VWA8: variants seen among roughly 807,000 people sequenced by gnomAD.
VWA8 encodes von Willebrand factor A domain-containing protein 8.
In VWA8, 221 loss-of-function variants were observed where a neutral mutation model predicts 241.5. That is an observed-to-expected ratio of 0.91 (90% confidence interval 0.82 to 1.02). The LOEUF is 1.02. Among genes scored for constraint, VWA8 ranks in the 50% least tolerant of loss-of-function variants. The probability of loss-of-function intolerance (pLI) is 0.00; values close to 1 mark genes in which losing one functional copy is unlikely to be tolerated. For synonymous variants in VWA8, 852 were observed against 827.1 expected (o/e 1.03, Z -0.52); for missense variants, 2,322 against 2,328.7 (o/e 1.00, Z 0.06).
rs1177267603 is a variant in VWA8 at position 41,833,484 on chromosome 13, A to G, written c.1473T>C (p.Asn491=). ...DLLQQRYTLP[N]GDTAWRSSPL... is the part of the protein sequence containing the mutation. ...GTGAGGACCGCCAGGCAGTGTCTCC[A>G]TTTGGAAGGGTGTATCTCTGCTGTA... The change falls in exon 13 of 45, where the codon AAT becomes AAC. Residue 491 remains asparagine, a synonymous_variant. Coordinates refer to ENST00000379310, the MANE Select transcript of VWA8 (RefSeq NM_015058.2). 1 of 1,613,794 alleles carries G rather than the reference A, an allele frequency of 6.2e-7. No homozygotes were observed. Among genetic ancestry groups the G allele is most frequent in the East Asian group, 2.2e-5 (1 of 44,872 alleles).
intron 31 of VWA8, 27 bp from the exon 32 acceptor site, chr13:41,691,472 A>G: frequency 6.2e-7 from 1 of 1,609,526 alleles, no homozygotes; most frequent in South Asian, 1.1e-5. Context: ...CTGTATCTGA[A>G]AGGAAATGGT....
intron 40 of VWA8, among the ~76,000 whole-genome samples, chr13:41,604,214 T>G (rs2044539426): frequency 6.6e-6 from 1 of 152,178 alleles, no homozygotes; most frequent in Non-Finnish European, 1.5e-5. Context: ...ACTTGTCAAA[T>G]GAGTGACTAT....
intron 21 of VWA8, among the ~76,000 whole-genome samples, chr13:41,740,024 T>C (rs2045557575): frequency 6.6e-6 from 1 of 151,878 alleles, no homozygotes; most frequent in East Asian, 1.9e-4. Flanking sequence ...CCGGCTAATT[T>C]TTTGTGTTTT....
chr13:41,926,360 T>C, intron 2 of VWA8: 1 of 568,392 alleles, frequency 1.8e-6, no homozygotes, highest in South Asian at 1.5e-5. Context: ...GTATAAGAAG[T>C]TTCTTGGATG....
chr13:41,827,625 A>C (rs920139539), intron 14 of VWA8, among the ~76,000 whole-genome samples: 2 of 152,208 alleles, frequency 1.3e-5, no homozygotes. Flanking sequence ...TTTAAAAAGT[A>C]AGTGAAGGAA....
chr13:41,629,108 C>T (rs1195879324), intron 37 of VWA8, among the ~76,000 whole-genome samples: 1 of 151,968 alleles, frequency 6.6e-6, no homozygotes, highest in African/African-American at 2.4e-5. Context: ...CCAGGGCCAA[C>T]TGAGGGTGGA....
chr13:41,760,688 T>TA (rs957942413), intron 21 of VWA8, among the ~76,000 whole-genome samples: 26 of 152,082 alleles, frequency 1.7e-4, no homozygotes, highest in African/African-American at 6.0e-4. Context: ...AAAGTAACTT[T>TA]AAGGAAGGCA....
At chr13:41,959,894 C>G (rs1878532505) in intron 1 of VWA8, among the ~76,000 whole-genome samples, 1 of 152,302 alleles carries the variant, frequency 6.6e-6, no homozygotes, top group African/African-American at 2.4e-5. Flanking sequence ...AGGCGTGAGC[C>G]ACCGCGCCCG....
At chr13:41,660,386 G>T (rs997937808) in intron 37 of VWA8, among the ~76,000 whole-genome samples, 1 of 152,142 alleles carries the variant, frequency 6.6e-6, no homozygotes. Context: ...AAAGTGTTGG[G>T]ATTACAGGCA....
At position 41,712,718 on chromosome 13, in the gene VWA8, G is replaced by T. The variant is rs532281938; in HGVS notation, c.3116+6873C>A. Among the ~76,000 whole-genome samples the T allele has an allele frequency of 3.4e-3, 524 of 152,258 alleles. 4 individuals are homozygous for T. The highest frequency in any genetic ancestry group is 6.8e-3 in the Middle Eastern group (2 of 294). ...TGCCCCGTTCTATCACTTATTGGTT[G>T]TAGAATTTATTTAAGGTCTCTTGAA... is the stretch of plus-strand genomic sequence containing the variant. On this transcript the variant is annotated intron_variant, in intron 26 of 44. Transcript: ENST00000379310.
intron 37 of VWA8, among the ~76,000 whole-genome samples, chr13:41,660,277 G>A (rs1482136341): frequency 1.3e-5 from 2 of 152,000 alleles, no homozygotes; most frequent in African/African-American, 4.8e-5. Context: ...CACCATGCCT[G>A]GCTAGTTTTT....
At chr13:41,907,755 T>A in intron 3 of VWA8, 59 bp from the exon 4 acceptor site, 1 of 1,463,932 alleles carries the variant, frequency 6.8e-7, no homozygotes, top group South Asian at 1.2e-5. Flanking sequence ...GCATATGATT[T>A]GGAACTAGTT....
At chr13:41,885,705 T>C (rs1490035350) in intron 8 of VWA8, among the ~76,000 whole-genome samples, 1 of 152,246 alleles carries the variant, frequency 6.6e-6, no homozygotes, top group African/African-American at 2.4e-5. Flanking sequence ...ATTGCATGTC[T>C]AGCTCCTACT....
intron 9 of VWA8, among the ~76,000 whole-genome samples, chr13:41,881,223 T>G (rs1265749089): frequency 6.6e-6 from 1 of 152,002 alleles, no homozygotes; most frequent in Non-Finnish European, 1.5e-5. Context: ...ATTTGTTGAA[T>G]ATTTCCTTAC....
chr13:41,945,103 G>A (rs1364600569), intron 2 of VWA8, among the ~76,000 whole-genome samples: 1 of 152,132 alleles, frequency 6.6e-6, no homozygotes, highest in Non-Finnish European at 1.5e-5. Context: ...ACAACTGTAA[G>A]CTACCTATGG....
At chr13:41,735,676 A>G (rs1373445194) in intron 21 of VWA8, among the ~76,000 whole-genome samples, 1 of 152,146 alleles carries the variant, frequency 6.6e-6, no homozygotes, top group East Asian at 1.9e-4. Flanking sequence ...TAGTAGGTTT[A>G]TGTTTCAGTA....
intron 12 of VWA8, among the ~76,000 whole-genome samples, chr13:41,864,216 G>T (rs1873182934): frequency 6.6e-6 from 1 of 151,902 alleles, no homozygotes; most frequent in African/African-American, 2.4e-5. Context: ...CATTGTTGGT[G>T]GGAATGAAAA....
chr13:41,863,369 TA>T, intron 12 of VWA8, among the ~76,000 whole-genome samples: 1 of 145,108 alleles, frequency 6.9e-6, no homozygotes, highest in Non-Finnish European at 1.5e-5. Flanking sequence ...TTTATATATA[TA>T]TATGTGTGTG....
At chr13:41,759,146 T>C (rs541711417) in intron 21 of VWA8, among the ~76,000 whole-genome samples, 1 of 151,640 alleles carries the variant, frequency 6.6e-6, no homozygotes, top group Non-Finnish European at 1.5e-5. Flanking sequence ...GGTCTGCTGA[T>C]AAAAAAACTC....
Sources: gnomAD v4.1 joint callset for allele counts (sites outside exome capture counted in the v4.1 genomes callset) on GRCh38, gnomAD v4.1.1 for gene constraint, MANE v1.5 for transcripts, NCBI Gene and HGNC (gene_info 2026-07-23, HGNC 2026-07-21) for gene names.